Variants in MYO18B observed in about 807,000 individuals in gnomAD.
MYO18B encodes the protein unconventional myosin-XVIIIb.
MYO18B carries 204 observed loss-of-function variants against 273.0 expected under a neutral mutation model. That is an observed-to-expected ratio of 0.75 (90% CI 0.67 to 0.84). The LOEUF is 0.84. Among genes scored for constraint, MYO18B ranks in the 40% least tolerant of loss-of-function variants. The pLI is 0.00. For synonymous variants in MYO18B, 1,330 were observed against 1,305.7 expected (o/e 1.02, Z -0.40); for missense variants, 3,212 against 3,287.6 (o/e 0.98, Z 0.56).
intron 42 of MYO18B, among the ~76,000 whole-genome samples, chr22:26,014,583 G>T (rs567310621): frequency 5.3e-5 from 8 of 152,200 alleles, no homozygotes; most frequent in African/African-American, 1.9e-4. Flanking sequence ...AAGTAGCTCT[G>T]GTGCAAGCTA....
Position 25,876,038 on chromosome 22 carries a change from GTGTGTGTA to G in MYO18B, c.4081-145_4081-138del, listed in dbSNP as rs369957764. On this transcript the variant is annotated intron_variant, in intron 23 of 43. Coordinates refer to ENST00000335473, the MANE Select transcript of MYO18B (RefSeq NM_032608.7). ...TGTGTGTGTGTGTGTGTGTGTGTGT[GTGTGTGTA>G]TGTGTTTTAAGGTATCCAGTCCCTT... The G allele has an allele frequency of 0.092, 51,073 of 554,200 alleles. 3,306 individuals are homozygous for G. The highest frequency in any genetic ancestry group is 0.12 in the African/African-American group (5,258 of 43,500). The allele number at this position is 554,200 out of a possible 1,614,324, so 34.3% of individuals were successfully genotyped here. A position where few individuals can be genotyped will look rare whatever the true frequency, so the allele number is the denominator to read the frequency against.
chr22:26,048,928 C>G, the MYO18B span, among the ~76,000 whole-genome samples: 1 of 152,122 alleles, frequency 6.6e-6, no homozygotes, highest in East Asian at 1.9e-4. Context: ...GAAGTGTTTT[C>G]TTTTCTCCAC....
chr22:26,025,726 C>T (rs1241052429), intron 42 of MYO18B, among the ~76,000 whole-genome samples: 3 of 152,074 alleles, frequency 2.0e-5, no homozygotes, highest in Admixed American at 6.5e-5. Context: ...TGAATGATGC[C>T]ATTTATTTTA....
chr22:25,770,366 AC>A (rs2086673920), intron 5 of MYO18B, among the ~76,000 whole-genome samples, 190 bp downstream of exon 5: 1 of 152,206 alleles, frequency 6.6e-6, no homozygotes, highest in African/African-American at 2.4e-5. Flanking sequence ...CACTAATGCA[AC>A]AAGCATGCTT....
intron 17 of MYO18B, among the ~76,000 whole-genome samples, chr22:25,837,894 A>G (rs2089954327): frequency 6.6e-6 from 1 of 152,086 alleles, no homozygotes; most frequent in Non-Finnish European, 1.5e-5. Context: ...TTTTAAGGTC[A>G]GGGGTACATG....
intron 34 of MYO18B, among the ~76,000 whole-genome samples, chr22:25,934,779 T>G (rs2092555462): frequency 6.6e-6 from 1 of 152,164 alleles, no homozygotes; most frequent in South Asian, 2.1e-4. Flanking sequence ...TGCATCTATC[T>G]CAGTGAGCAG....
chr22:25,985,623 C>A (rs553572689), intron 39 of MYO18B, among the ~76,000 whole-genome samples: 2 of 151,642 alleles, frequency 1.3e-5, no homozygotes, highest in South Asian at 4.2e-4. Context: ...ATTCACAGGG[C>A]GTTTTTTATT....
chr22:25,838,065 C>G (rs190870087), intron 17 of MYO18B, among the ~76,000 whole-genome samples: 1 of 151,898 alleles, frequency 6.6e-6, no homozygotes, highest in East Asian at 1.9e-4. Context: ...TTGTTCTCTC[C>G]CAGAAAATGT....
intron 40 of MYO18B, among the ~76,000 whole-genome samples, chr22:25,993,502 G>A (rs902078956): frequency 6.6e-6 from 1 of 152,168 alleles, no homozygotes; most frequent in South Asian, 2.1e-4. Flanking sequence ...CTCTGCGAAG[G>A]CTGTTTTTTT....
At chr22:26,025,880 C>T (rs1447610066) in intron 42 of MYO18B, among the ~76,000 whole-genome samples, 1 of 152,154 alleles carries the variant, frequency 6.6e-6, no homozygotes, top group Non-Finnish European at 1.5e-5. Context: ...TGTGTATAGT[C>T]TTGGTTTTAA....
the MYO18B span, among the ~76,000 whole-genome samples, chr22:26,043,160 A>T: frequency 6.6e-6 from 1 of 152,182 alleles, no homozygotes; most frequent in African/African-American, 2.4e-5. Flanking sequence ...TGCAAAATAT[A>T]CTTTTTTTGG....
intron 31 of MYO18B, among the ~76,000 whole-genome samples, chr22:25,905,139 C>A (rs1250060848): frequency 6.6e-6 from 1 of 151,468 alleles, no homozygotes; most frequent in Admixed American, 6.6e-5. Context: ...CTGAGCAGCT[C>A]TGTTGAACTG....
Position 25,883,463 on chromosome 22 carries a change from G to T in MYO18B, c.4314+5415G>T, listed in dbSNP as rs182577820. 1 of 152,226 alleles carries T rather than the reference G, an allele frequency of 6.6e-6. No homozygotes were observed. Among genetic ancestry groups the T allele is most frequent in the Non-Finnish European group, 1.5e-5 (1 of 68,048 alleles). 9.4% of individuals were successfully genotyped at this position (152,226 alleles called of 1,614,324 possible). On this transcript the variant is annotated intron_variant, in intron 25 of 43. Transcript: ENST00000335473. The surrounding 1 kb of genome is among the most constrained non-coding windows in gnomAD (Gnocchi z 7.6). ...GAGATTCTGAATCAGTAGGCTTGGC[G>T]TGGCCTTGGGGAGGCTGTATTTCTA...
chr22:25,748,414 C>T (rs975843410), intron 1 of MYO18B, among the ~76,000 whole-genome samples: 33 of 152,106 alleles, frequency 2.2e-4, no homozygotes, highest in Non-Finnish European at 1.0e-4. Context: ...GAGGGCCTTT[C>T]GGAGCTCTGG....
chr22:25,887,287 G>A (rs2091528550), intron 25 of MYO18B, among the ~76,000 whole-genome samples: 1 of 152,138 alleles, frequency 6.6e-6, no homozygotes, highest in Non-Finnish European at 1.5e-5. Flanking sequence ...CAACAGTGAC[G>A]GTCCCAAGGA....
chr22:26,045,115 AC>A, the MYO18B span, among the ~76,000 whole-genome samples: 2 of 151,498 alleles, frequency 1.3e-5, no homozygotes, highest in South Asian at 2.1e-4. Flanking sequence ...TACACAGTAT[AC>A]CAGTTTTAAG....
At chr22:26,019,780 A>G (rs2146982726) in intron 42 of MYO18B, among the ~76,000 whole-genome samples, 1 of 152,330 alleles carries the variant, frequency 6.6e-6, no homozygotes, top group South Asian at 2.1e-4. Flanking sequence ...TCACGGTGTC[A>G]TTAAATCTGC....
At chr22:25,989,118 A>C (rs1442791928) in intron 39 of MYO18B, among the ~76,000 whole-genome samples, 1 of 152,126 alleles carries the variant, frequency 6.6e-6, no homozygotes, top group Non-Finnish European at 1.5e-5. Context: ...CTCCTGCATG[A>C]CACTGACATG....
the MYO18B span, among the ~76,000 whole-genome samples, chr22:26,061,006 TACAC>T: frequency 2.8e-4 from 33 of 118,112 alleles, no homozygotes; most frequent in South Asian, 7.0e-4. Context: ...TGCACACACA[TACAC>T]ACACACACAC....
Sources: gnomAD v4.1 joint callset for allele counts (sites outside exome capture counted in the v4.1 genomes callset) on GRCh38, gnomAD v4.1.1 for gene constraint, Gnocchi (gnomAD v3.1) non-coding constraint, MANE v1.5 for transcripts, NCBI Gene and HGNC (gene_info 2026-07-23, HGNC 2026-07-21) for gene names.